The following PARVA variants were observed in gnomAD, a reference collection of about 807,000 sequenced individuals.
The protein encoded by PARVA is alpha-parvin.
Under a neutral mutation model 52.6 loss-of-function variants are expected in PARVA, and 25 were observed. The observed-to-expected ratio is 0.48, with a 90% confidence interval of 0.35 to 0.66. The LOEUF is 0.66. PARVA is among the 30% of genes least tolerant of loss of function. The pLI is 0.01. For missense variants in PARVA, 373 were observed against 450.9 expected (o/e 0.83, Z 1.56); for synonymous variants, 185 against 179.1 (o/e 1.03, Z -0.26).
intron 1 of PARVA, among the ~76,000 whole-genome samples, chr11:12,416,666 G>C (rs1008316878): frequency 6.6e-6 from 1 of 151,920 alleles, no homozygotes; most frequent in African/African-American, 2.4e-5. Context: ...AGAAAGAAGC[G>C]AGTGGAGAGA....
chr11:12,427,533 C>T (rs1180482018), intron 1 of PARVA, among the ~76,000 whole-genome samples: 1 of 152,224 alleles, frequency 6.6e-6, no homozygotes, highest in East Asian at 1.9e-4. Flanking sequence ...AAATTATGGA[C>T]AGCCTTCTCT....
intron 7 of PARVA, among the ~76,000 whole-genome samples, chr11:12,509,075 GTTT>G (rs766152622): frequency 8.1e-6 from 1 of 122,776 alleles, no homozygotes; most frequent in African/African-American, 3.0e-5. Flanking sequence ...GTTTGGGGTG[GTTT>G]TTTTTTTTTT....
At position 12,448,141 on chromosome 11, in the gene PARVA, T is replaced by C. The variant is rs1206041529; in HGVS notation, c.137-25604T>C. On this transcript the variant is annotated intron_variant, in intron 1 of 12. Coordinates refer to ENST00000334956, the MANE Select transcript of PARVA (RefSeq NM_018222.5). ...GACATCTGATTAACCTACCTTACAG[T>C]AGAGATAACCAAAACTCAGAGATTT... Among the ~76,000 whole-genome samples the C allele has an allele frequency of 3.3e-5, 5 of 151,982 alleles. No homozygotes were observed. The East Asian group carries it at 9.7e-4, about 29-fold the overall frequency.
rs1157628619 is a variant in PARVA at position 12,489,062 on chromosome 11, T to C, written c.401-7396T>C. ...GCTATAGACTGGGTATGGTGGCTCA[T>C]ACCTGTAGCCCCAGCACTTTGGGAA... On this transcript the variant is annotated intron_variant, in intron 4 of 12. Coordinates refer to ENST00000334956, the MANE Select transcript of PARVA (RefSeq NM_018222.5). Among the ~76,000 whole-genome samples the C allele has an allele frequency of 2.0e-5, 3 of 152,066 alleles. No homozygotes were observed. The East Asian group carries it at 5.8e-4, about 29-fold the overall frequency.
At chr11:12,393,697 G>A (rs1939695666) in intron 1 of PARVA, among the ~76,000 whole-genome samples, 1 of 152,118 alleles carries the variant, frequency 6.6e-6, no homozygotes, top group Non-Finnish European at 1.5e-5. Context: ...TCAGCTATGT[G>A]GCCACACCTA....
intron 1 of PARVA, among the ~76,000 whole-genome samples, chr11:12,386,636 A>G (rs886179991): frequency 1.9e-4 from 29 of 152,304 alleles, no homozygotes; most frequent in Admixed American, 1.9e-3. Context: ...GAATTTCCCC[A>G]TATTTACCTT....
intron 1 of PARVA, among the ~76,000 whole-genome samples, chr11:12,457,736 G>A (rs891625316): frequency 5.9e-5 from 9 of 152,238 alleles, no homozygotes; most frequent in African/African-American, 1.7e-4. Flanking sequence ...GGACAGTGGT[G>A]CACAAAGCCT....
At chr11:12,518,716 T>C (rs1444818378) in intron 12 of PARVA, among the ~76,000 whole-genome samples, 199 bp downstream of exon 12, 1 of 152,098 alleles carries the variant, frequency 6.6e-6, no homozygotes, top group Non-Finnish European at 1.5e-5. Context: ...GAATCTGAAA[T>C]CCCACACATG....
In PARVA at chr11:12,443,385, T is replaced by C. The variant is rs186741832; in HGVS notation, c.137-30360T>C. Among the ~76,000 whole-genome samples, 113 of 151,570 alleles carry C rather than the reference T, an allele frequency of 7.5e-4. 1 individual carries two copies. The highest frequency in any genetic ancestry group is 6.9e-3 in the Middle Eastern group (2 of 290). On this transcript the variant is annotated intron_variant, in intron 1 of 12. Coordinates refer to ENST00000334956, the MANE Select transcript of PARVA (RefSeq NM_018222.5). The stretch of plus-strand genomic sequence containing the variant: ...CGGGGTTTCACCATGTTGGCCAGGA[T>C]GGTCTCAATCTCCTGACCTCATGAT...
intron 1 of PARVA, among the ~76,000 whole-genome samples, chr11:12,441,710 A>G (rs1480918551): frequency 6.6e-6 from 1 of 152,212 alleles, no homozygotes; most frequent in Non-Finnish European, 1.5e-5. Flanking sequence ...CCTTTTTATG[A>G]CTCAGAGAGA....
chr11:12,474,944 C>A (rs1171862609), intron 3 of PARVA, among the ~76,000 whole-genome samples: 1 of 147,838 alleles, frequency 6.8e-6, no homozygotes, highest in African/African-American at 2.5e-5. Flanking sequence ...CCAGCCTGAC[C>A]CTGTCTCAAA....
chr11:12,446,040 T>A (rs1468330846), intron 1 of PARVA, among the ~76,000 whole-genome samples: 7 of 151,362 alleles, frequency 4.6e-5, no homozygotes, highest in East Asian at 1.9e-4. Flanking sequence ...TCATTTACTT[T>A]AAAAAAAAAT....
intron 1 of PARVA, among the ~76,000 whole-genome samples, chr11:12,428,369 A>G (rs536076987): frequency 8.5e-5 from 13 of 152,346 alleles, no homozygotes; most frequent in African/African-American, 2.6e-4. Flanking sequence ...CAGCAGATCT[A>G]TAACTAAATG....
chr11:12,492,665 A>T (rs1198731219), intron 4 of PARVA, among the ~76,000 whole-genome samples: 3 of 152,190 alleles, frequency 2.0e-5, no homozygotes, highest in Non-Finnish European at 4.4e-5. Flanking sequence ...TATGTCACAT[A>T]AGCCTGCAAA....
At chr11:12,526,980 T>G (rs1941711505) in intron 12 of PARVA, among the ~76,000 whole-genome samples, 1 of 152,164 alleles carries the variant, frequency 6.6e-6, no homozygotes, top group East Asian at 1.9e-4. Context: ...CAGTGAGTCA[T>G]AGCTAGCCTG....
At chr11:12,384,809 G>C (rs1228568618) in intron 1 of PARVA, among the ~76,000 whole-genome samples, 1 of 152,154 alleles carries the variant, frequency 6.6e-6, no homozygotes, top group Non-Finnish European at 1.5e-5. Flanking sequence ...TGGAACGGGG[G>C]TTGGTCCCGG....
chr11:12,446,687 A>G (rs921038781), intron 1 of PARVA, among the ~76,000 whole-genome samples: 1 of 152,220 alleles, frequency 6.6e-6, no homozygotes, highest in African/African-American at 2.4e-5. Context: ...CAGAAATACA[A>G]TAATATAGCA....
At chr11:12,458,590 T>C (rs1037539238) in intron 1 of PARVA, among the ~76,000 whole-genome samples, 1 of 151,764 alleles carries the variant, frequency 6.6e-6, no homozygotes, top group Admixed American at 6.6e-5. Context: ...CCCCACCAGT[T>C]TCCTGTGATT....
At chr11:12,395,937 T>A (rs1939736547) in intron 1 of PARVA, among the ~76,000 whole-genome samples, 1 of 152,246 alleles carries the variant, frequency 6.6e-6, no homozygotes, top group Non-Finnish European at 1.5e-5. Context: ...CTTTTAAAAC[T>A]CAGAAGGTTG....
Sources: gnomAD v4.1 joint callset for allele counts (sites outside exome capture counted in the v4.1 genomes callset) on GRCh38, gnomAD v4.1.1 for gene constraint, MANE v1.5 for transcripts, NCBI Gene and HGNC (gene_info 2026-07-23, HGNC 2026-07-21) for gene names.